Variants in RELN observed in about 807,000 individuals in gnomAD.
The protein encoded by RELN is reelin.
Under a neutral mutation model 427.6 loss-of-function variants are expected in RELN, and 108 were observed. The observed-to-expected ratio is 0.25, with a 90% CI of 0.22 to 0.30. RELN has a LOEUF of 0.30. Among genes scored for constraint, RELN ranks in the 10% least tolerant of loss-of-function variants. The pLI is 1.00. For missense variants in RELN, 3,715 were observed against 4,302.8 expected, an observed-to-expected ratio of 0.86 and a Z score of 3.82; for synonymous variants, 1,524 against 1,513.4, an observed-to-expected ratio of 1.01 and a Z score of -0.16.
chr7:103,496,640 T>A lies in RELN; in HGVS notation c.9079A>T (p.Ile3027Phe). The change falls in exon 56 of 65, where the codon ATC becomes TTC. Residue 3027 changes from isoleucine (I) to phenylalanine (F), a missense_variant. Around this residue, in one of 4 missense-constraint regions of RELN, gnomAD observed 1,310 missense variants for 1,643.0 expected, o/e 0.80. Coordinates refer to ENST00000428762, the MANE Select transcript of RELN (RefSeq NM_005045.4). ...CCAGAGACCACAATTCCATTGCTGATCACAAAAGGCTGCCACCAGCGAAGT... is the reference window on the plus strand; with the variant it reads ...CCAGAGACCACAATTCCATTGCTGAACACAAAAGGCTGCCACCAGCGAAGT... ...TRLRWWQPFVISNGIVVSGVE... is the reference protein window; with the variant it reads ...TRLRWWQPFVFSNGIVVSGVE... 1 of 1,614,154 alleles carries A rather than the reference T, an allele frequency of 6.2e-7. No individual in the cohort carries two copies. Among genetic ancestry groups the A allele is most frequent in the Non-Finnish European group, 8.5e-7 (1 of 1,180,010 alleles).
At chr7:103,706,371 G>A (rs778542710) in intron 8 of RELN, among the ~76,000 whole-genome samples, 5 of 151,800 alleles carry the variant, frequency 3.3e-5, no homozygotes, top group Non-Finnish European at 7.4e-5. Context: ...CAGAAAATCT[G>A]ATTAGTTAGA....
intron 3 of RELN, among the ~76,000 whole-genome samples, chr7:103,780,159 C>A (rs761189186): frequency 1.3e-4 from 20 of 152,212 alleles, no homozygotes; most frequent in Non-Finnish European, 2.1e-4. Context: ...GGCCTCTTGG[C>A]CAGCAACTCC....
At chr7:103,909,403 T>G (rs1795288747) in intron 2 of RELN, among the ~76,000 whole-genome samples, 1 of 151,566 alleles carries the variant, frequency 6.6e-6, no homozygotes, top group African/African-American at 2.4e-5. Context: ...CCATAAAATC[T>G]AAAATTACTA....
chr7:103,773,122 T>TTCTTTCTTTCTTTCTTTCTTTCTTTCTC lies in RELN; in HGVS notation c.544+3434_544+3435insGAGAAAGAAAGAAAGAAAGAAAGAAAGA, dbSNP rs1791618306. 5.8e-5 allele frequency among the ~76,000 whole-genome samples: 5 copies of TTCTTTCTTTCTTTCTTTCTTTCTTTCTC among 86,722 alleles called. No individual in the cohort carries two copies. In the South Asian group the frequency reaches 2.2e-3, roughly 38 times the overall value. 56.9% of individuals were successfully genotyped at this position (86,722 alleles called of 152,430 possible). The stretch of plus-strand genomic sequence containing the variant: ...CTCTTTTCTTTCTTTCTTTCTTTCT[T>TTCTTTCTTTCTTTCTTTCTTTCTTTCTC]TCTTTCTTTCTTTCTTTCTTTCTTT... On this transcript the variant is annotated intron_variant, in intron 4 of 64. Coordinates refer to ENST00000428762, the MANE Select transcript of RELN (RefSeq NM_005045.4).
chr7:103,721,001 T>A (rs979556470), intron 8 of RELN, among the ~76,000 whole-genome samples: 2 of 152,168 alleles, frequency 1.3e-5, no homozygotes, highest in Non-Finnish European at 2.9e-5. Flanking sequence ...TTCCCCCAAT[T>A]TTTTACTCTC....
chr7:103,733,883 A>G (rs988812758), intron 6 of RELN, among the ~76,000 whole-genome samples: 19 of 151,898 alleles, frequency 1.3e-4, no homozygotes, highest in African/African-American at 4.6e-4. Context: ...TGGCACATGT[A>G]TACGTATGTA....
At chr7:103,483,571 C>A in intron 62 of RELN, 82 bp downstream of exon 62, 2 of 1,461,880 alleles carry the variant, frequency 1.4e-6, no homozygotes, top group Non-Finnish European at 1.9e-6. Flanking sequence ...CTTTACCCAA[C>A]TTCTACCTCA....
At chr7:103,856,392 A>G (rs1425439333) in intron 2 of RELN, among the ~76,000 whole-genome samples, 1 of 151,856 alleles carries the variant, frequency 6.6e-6, no homozygotes, top group Non-Finnish European at 1.5e-5. Context: ...CAACATGGTG[A>G]AACTCCATCC....
At position 103,861,897 on chromosome 7, in the gene RELN, C is replaced by A. The variant is rs1308117886; in HGVS notation, c.338-28225G>T. Among the ~76,000 whole-genome samples, 3 of 152,110 alleles carry A rather than the reference C, an allele frequency of 2.0e-5. No homozygotes were observed. In the East Asian group the frequency reaches 5.8e-4, roughly 29 times the overall value. ...TAGTCTTAAGGCAATGTAAGATCAACTACAGGGTTTATTTTTTGGTTTTGG... is the reference window on the plus strand; with the variant it reads ...TAGTCTTAAGGCAATGTAAGATCAAATACAGGGTTTATTTTTTGGTTTTGG... On this transcript the variant is annotated intron_variant, in intron 2 of 64. Coordinates refer to ENST00000428762, the MANE Select transcript of RELN (RefSeq NM_005045.4).
At chr7:103,544,187 A>G (rs1830234673) in intron 42 of RELN, among the ~76,000 whole-genome samples, 1 of 149,062 alleles carries the variant, frequency 6.7e-6, no homozygotes, top group African/African-American at 2.5e-5. Flanking sequence ...AAATAGAACA[A>G]GTTTACAAAA....
chr7:103,775,106 A>G lies in RELN; in HGVS notation c.544+1451T>C, dbSNP rs369462011. On this transcript the variant is annotated intron_variant, in intron 4 of 64. Transcript: ENST00000428762. ...TTTTTAGACAATGGTAAATGTTAAT[A>G]AAATTAGACATTTCTTTTTCTGACA... is the stretch of plus-strand genomic sequence containing the variant. Among the ~76,000 whole-genome samples, 51 of 152,312 alleles carry G rather than the reference A, an allele frequency of 3.3e-4. No homozygotes were observed. In the East Asian group the frequency reaches 4.6e-3, roughly 14 times the overall value.
chr7:103,561,476 TGAA>T lies in RELN; in HGVS notation c.5529+53_5529+55del, dbSNP rs1830639615. ...AAATCCATTTGTGTTGAGCAGTGACTGAAGAAGACAATGTTAGTAGTAATGTTG... is the reference window on the plus strand; with the variant it reads ...AAATCCATTTGTGTTGAGCAGTGACTGAAGACAATGTTAGTAGTAATGTTG... On this transcript the variant is annotated intron_variant, in intron 36 of 64. Transcript: ENST00000428762. 95 of 1,285,628 alleles carry T rather than the reference TGAA, an allele frequency of 7.4e-5. 2 individuals are homozygous for T. In the South Asian group the frequency reaches 1.1e-3, roughly 14 times the overall value. The allele number at this position is 1,285,628 out of a possible 1,614,324, so 79.6% of individuals were successfully genotyped here. A position where few individuals can be genotyped will look rare whatever the true frequency, so the allele number is the denominator to read the frequency against.
At chr7:103,834,523 G>A (rs1053179365) in intron 2 of RELN, among the ~76,000 whole-genome samples, 21 of 152,044 alleles carry the variant, frequency 1.4e-4, no homozygotes, top group African/African-American at 4.1e-4. Context: ...GAGCTATCAG[G>A]GGATGCTTTT....
chr7:103,517,177 C>CTT (rs35531504), intron 49 of RELN, among the ~76,000 whole-genome samples: 7 of 144,322 alleles, frequency 4.9e-5, no homozygotes, highest in African/African-American at 1.3e-4. Context: ...TTCCCTGCAC[C>CTT]TTTTTTTTTT....
intron 2 of RELN, among the ~76,000 whole-genome samples, chr7:103,889,897 C>A (rs1365638060): frequency 6.6e-6 from 1 of 152,142 alleles, no homozygotes; most frequent in Non-Finnish European, 1.5e-5. Context: ...GAATTTGTGC[C>A]AGCTAAAAAC....
intron 3 of RELN, among the ~76,000 whole-genome samples, chr7:103,793,487 T>C (rs751360444): frequency 3.3e-5 from 5 of 152,226 alleles, no homozygotes; most frequent in Non-Finnish European, 5.9e-5. Flanking sequence ...ATAATTAGAC[T>C]GACTCTTCTC....
chr7:103,629,135 T>C (rs1584358094), intron 20 of RELN, among the ~76,000 whole-genome samples: 1 of 152,326 alleles, frequency 6.6e-6, no homozygotes, highest in Admixed American at 6.5e-5. Flanking sequence ...GAATGTGTTA[T>C]ATCCACCATG....
chr7:103,554,214 G>A (rs1045045428), intron 38 of RELN, among the ~76,000 whole-genome samples: 2 of 145,960 alleles, frequency 1.4e-5, no homozygotes, highest in African/African-American at 2.5e-5. Context: ...ACCACCCCCC[G>A]CCAAACCCAT....
chr7:103,933,484 C>T (rs1563098914), intron 1 of RELN, among the ~76,000 whole-genome samples: 1 of 109,348 alleles, frequency 9.1e-6, no homozygotes, highest in Admixed American at 1.5e-4. Flanking sequence ...CACTTGAGCC[C>T]AGGAGAAAGG....
Sources: gnomAD v4.1 joint callset for allele counts (sites outside exome capture counted in the v4.1 genomes callset) on GRCh38, gnomAD v4.1.1 for gene constraint, gnomAD v4.1.1 regional missense constraint, MANE v1.5 for transcripts, NCBI Gene and HGNC (gene_info 2026-07-23, HGNC 2026-07-21) for gene names.